Variants in TRPC4AP observed in about 807,000 individuals in gnomAD.
The protein encoded by TRPC4AP is short transient receptor potential channel 4-associated protein.
Under a neutral mutation model 99.0 loss-of-function variants are expected in TRPC4AP, and 45 were observed. That is an observed-to-expected ratio of 0.45 (90% CI 0.36 to 0.58). The LOEUF (loss-of-function observed/expected upper bound fraction) is 0.58. TRPC4AP is among the 20% of genes least tolerant of loss of function. TRPC4AP has a pLI of 0.00. For missense variants in TRPC4AP, 879 were observed against 985.3 expected (o/e 0.89, Z 1.44); for synonymous variants, 408 against 385.8 (o/e 1.06, Z -0.67).
intron 14 of TRPC4AP, among the ~76,000 whole-genome samples, chr20:35,006,944 T>TGAAGGACAGAATTTAAAAGC (rs1223423035): frequency 2.0e-5 from 3 of 152,222 alleles, no homozygotes; most frequent in Non-Finnish European, 4.4e-5. Context: ...TTCAAGTAAA[T>TGAAGGACAGAATTTAAAAGC]GAAGGACAGA....
intron 6 of TRPC4AP, among the ~76,000 whole-genome samples, chr20:35,049,264 T>C (rs1323382134): frequency 2.6e-5 from 4 of 152,254 alleles, no homozygotes; most frequent in Middle Eastern, 3.4e-3. Flanking sequence ...CTGTTTTTTT[T>C]TTTTTTTAAA....
At chr20:35,012,216 C>G (rs2082654219) in intron 11 of TRPC4AP, among the ~76,000 whole-genome samples, 1 of 152,196 alleles carries the variant, frequency 6.6e-6, no homozygotes, top group South Asian at 2.1e-4. Context: ...GATGGAGGTG[C>G]CCTGGGGCCA....
intron 8 of TRPC4AP, among the ~76,000 whole-genome samples, chr20:35,024,223 C>A (rs2082963586): frequency 6.6e-6 from 1 of 151,640 alleles, no homozygotes; most frequent in Non-Finnish European, 1.5e-5. Flanking sequence ...TTAGGACATT[C>A]ATAGAGTTGT....
chr20:35,015,464 T>TTC lies in TRPC4AP; in HGVS notation c.1350+543_1350+544insGA, dbSNP rs2082732392. The stretch of plus-strand genomic sequence containing the variant: ...GCTAGAGGGCCTCAGGCAGGAACTT[T>TTC]TTTTTTTTTTTTTTTTGAGACACAG... On this transcript the variant is annotated intron_variant, in intron 10 of 18. Coordinates refer to ENST00000252015, the MANE Select transcript of TRPC4AP (RefSeq NM_015638.3). Among the ~76,000 whole-genome samples the TTC allele has an allele frequency of 4.1e-5, 6 of 147,356 alleles. No homozygotes were observed. In the South Asian group the frequency reaches 1.4e-3, roughly 34 times the overall value.
At chr20:35,092,590 G>A (rs1569163834) in intron 1 of TRPC4AP, 24 bp downstream of exon 1, 3 of 425,840 alleles carry the variant, frequency 7.0e-6, no homozygotes, top group East Asian at 1.2e-4. Flanking sequence ...GCCCCGCCCC[G>A]CCCCTCCTGG....
At chr20:35,092,476 C>A (rs1001927673) in intron 1 of TRPC4AP, 138 bp downstream of exon 1, 4 of 1,036,588 alleles carry the variant, frequency 3.9e-6, no homozygotes, top group South Asian at 3.9e-5. Flanking sequence ...AGCGTCCGGG[C>A]AGCTCACAGG....
chr20:35,064,036 C>A (rs967417054), intron 3 of TRPC4AP, among the ~76,000 whole-genome samples: 2 of 152,268 alleles, frequency 1.3e-5, no homozygotes, highest in African/African-American at 4.8e-5. Context: ...TTGACAAACA[C>A]CTTTTCCTTT....
chr20:35,055,167 G>A (rs983953806), intron 4 of TRPC4AP, 136 bp from the exon 5 acceptor site: 2 of 710,440 alleles, frequency 2.8e-6, no homozygotes, highest in Non-Finnish European at 4.5e-6. Context: ...ACTTCTTCCA[G>A]CCCCTGTCTA....
intron 2 of TRPC4AP, among the ~76,000 whole-genome samples, chr20:35,076,192 G>A (rs541206903): frequency 6.6e-6 from 1 of 152,096 alleles, no homozygotes; most frequent in Non-Finnish European, 1.5e-5. Flanking sequence ...GCTTCTTTAT[G>A]ATGGGTTCAA....
At chr20:35,083,384 G>A (rs942442408) in intron 1 of TRPC4AP, among the ~76,000 whole-genome samples, 1 of 151,816 alleles carries the variant, frequency 6.6e-6, no homozygotes, top group Non-Finnish European at 1.5e-5. Context: ...CAGATCACCT[G>A]AGATCAAGAG....
At chr20:35,022,482 T>C (rs1240547951) in intron 8 of TRPC4AP, among the ~76,000 whole-genome samples, 3 of 152,150 alleles carry the variant, frequency 2.0e-5, no homozygotes, top group East Asian at 1.9e-4. Flanking sequence ...TAAGAGGGCA[T>C]TGGTCAGAGT....
Position 35,009,897 on chromosome 20 carries a change from G to A in TRPC4AP, c.1511+290C>T, listed in dbSNP as rs146003581. Among the ~76,000 whole-genome samples, 376 of 152,342 alleles carry A rather than the reference G, an allele frequency of 2.5e-3. 2 individuals are homozygous for A. Among genetic ancestry groups the A allele is most frequent in the Admixed American group, 6.1e-3 (94 of 15,312 alleles). ...AGGGGCTGAATGCACGAGACAAGGCGGTGGGGCAGTGCGGAGCACACATGA... is the reference window on the plus strand; with the variant it reads ...AGGGGCTGAATGCACGAGACAAGGCAGTGGGGCAGTGCGGAGCACACATGA... On this transcript the variant is annotated intron_variant, in intron 12 of 18. Coordinates refer to ENST00000252015, the MANE Select transcript of TRPC4AP (RefSeq NM_015638.3).
At chr20:35,059,232 G>A (rs1486451474) in intron 3 of TRPC4AP, among the ~76,000 whole-genome samples, 1 of 152,190 alleles carries the variant, frequency 6.6e-6, no homozygotes. Context: ...ATAAAGGAGA[G>A]GGCATTACCA....
intron 2 of TRPC4AP, among the ~76,000 whole-genome samples, chr20:35,073,320 G>T (rs1217042499): frequency 1.3e-5 from 2 of 152,154 alleles, no homozygotes; most frequent in Admixed American, 6.6e-5. Context: ...ATGTTGAATA[G>T]GAGTGTGCTG....
chr20:35,048,504 C>G (rs1009701532), intron 6 of TRPC4AP, among the ~76,000 whole-genome samples: 5 of 152,178 alleles, frequency 3.3e-5, no homozygotes, highest in Non-Finnish European at 5.9e-5. Flanking sequence ...CAGGCATGAG[C>G]CACCGTGCCT....
At chr20:35,023,202 T>G (rs1248291083) in intron 8 of TRPC4AP, among the ~76,000 whole-genome samples, 1 of 152,156 alleles carries the variant, frequency 6.6e-6, no homozygotes, top group Non-Finnish European at 1.5e-5. Context: ...ACTACTGGGT[T>G]TGAACCCCAT....
intron 3 of TRPC4AP, among the ~76,000 whole-genome samples, chr20:35,068,189 T>C (rs1163215940): frequency 2.0e-5 from 3 of 152,206 alleles, no homozygotes; most frequent in African/African-American, 7.2e-5. Context: ...GTGGTAATTA[T>C]TGGTGTACTT....
At chr20:35,065,585 AAG>A (rs1375709270) in intron 3 of TRPC4AP, among the ~76,000 whole-genome samples, 8 of 152,240 alleles carry the variant, frequency 5.3e-5, no homozygotes, top group Admixed American at 3.3e-4. Context: ...GCAGGACAGC[AAG>A]AGAGTTCACT....
intron 8 of TRPC4AP, among the ~76,000 whole-genome samples, chr20:35,023,331 A>G (rs1409956013): frequency 4.6e-5 from 7 of 152,310 alleles, no homozygotes; most frequent in Middle Eastern, 3.4e-3. Context: ...TAAGGAGTAG[A>G]GGGATATACT....
Sources: allele counts gnomAD v4.1 joint callset (sites outside exome capture counted in the v4.1 genomes callset), GRCh38; gene constraint gnomAD v4.1.1; transcripts MANE v1.5; gene names NCBI Gene and HGNC (gene_info 2026-07-23, HGNC 2026-07-21).